TCF12: variants seen among roughly 807,000 people sequenced by gnomAD.
TCF12 encodes the protein transcription factor 12, also known as DNA-binding protein HTF4.
Under a neutral mutation model 86.0 loss-of-function variants are expected in TCF12, and 45 were observed. The observed-to-expected ratio is 0.52, with a 90% CI of 0.41 to 0.67. TCF12 has a LOEUF of 0.67. Among genes scored for constraint, TCF12 ranks in the 30% least tolerant of loss-of-function variants. The pLI, the probability that TCF12 is intolerant of heterozygous loss-of-function variation, is 0.00. For synonymous variants in TCF12, 330 were observed against 299.6 expected, an observed-to-expected ratio of 1.10 and a Z score of -1.05; for missense variants, 881 against 859.9, an observed-to-expected ratio of 1.02 and a Z score of -0.31.
intron 3 of TCF12, among the ~76,000 whole-genome samples, chr15:56,958,525 C>T (rs1438863135): frequency 6.6e-6 from 1 of 152,036 alleles, no homozygotes; most frequent in Non-Finnish European, 1.5e-5. Context: ...AGCCACATTC[C>T]AAATGCTTAA....
chr15:56,947,886 C>G (rs1240166300), intron 3 of TCF12, among the ~76,000 whole-genome samples: 3 of 152,044 alleles, frequency 2.0e-5, no homozygotes, highest in African/African-American at 4.8e-5. Flanking sequence ...GGTGCACAGC[C>G]TAAATGGTGG....
At chr15:57,067,127 A>C (rs1268927700) in intron 4 of TCF12, among the ~76,000 whole-genome samples, 7 of 152,164 alleles carry the variant, frequency 4.6e-5, no homozygotes, top group Non-Finnish European at 8.8e-5. Flanking sequence ...TACCAAATCC[A>C]CCAGAAAAGT....
chr15:56,938,896 CT>C (rs1482496207), intron 3 of TCF12, among the ~76,000 whole-genome samples: 1 of 152,126 alleles, frequency 6.6e-6, no homozygotes, highest in African/African-American at 2.4e-5. Context: ...GTCTCAGGAC[CT>C]ACTTTGTTCC....
chr15:57,168,907 G>T (rs150258419), intron 6 of TCF12, among the ~76,000 whole-genome samples: 2 of 152,042 alleles, frequency 1.3e-5, no homozygotes, highest in East Asian at 3.8e-4. Flanking sequence ...TTAGCCGGGC[G>T]TGGTGGCAGG....
chr15:56,966,932 G>T (rs565482286), intron 3 of TCF12, among the ~76,000 whole-genome samples: 3 of 152,232 alleles, frequency 2.0e-5, no homozygotes, highest in Non-Finnish European at 4.4e-5. Context: ...AGACCAACCT[G>T]GCCAACATGG....
At chr15:57,080,573 T>C (rs534655847) in intron 4 of TCF12, among the ~76,000 whole-genome samples, 1 of 152,190 alleles carries the variant, frequency 6.6e-6, no homozygotes, top group South Asian at 2.1e-4. Context: ...ACAGAGTCCC[T>C]GAGGAAGATT....
chr15:56,962,631 T>G (rs189953844), intron 3 of TCF12, among the ~76,000 whole-genome samples: 68 of 152,304 alleles, frequency 4.5e-4, no homozygotes, highest in African/African-American at 1.6e-3. Context: ...GAGAAAATGC[T>G]TCCAATTAGT....
At chr15:57,211,935 C>G (rs1314336453) in intron 8 of TCF12, among the ~76,000 whole-genome samples, 1 of 151,480 alleles carries the variant, frequency 6.6e-6, no homozygotes, top group Non-Finnish European at 1.5e-5. Flanking sequence ...GCCTGGGCAA[C>G]AAAGCAGGAC....
At chr15:57,217,457 A>C (rs774058690) in intron 8 of TCF12, among the ~76,000 whole-genome samples, 1 of 152,170 alleles carries the variant, frequency 6.6e-6, no homozygotes, top group Non-Finnish European at 1.5e-5. Flanking sequence ...TTGGGTTTAC[A>C]TTATGATGTT....
intron 3 of TCF12, among the ~76,000 whole-genome samples, chr15:57,061,887 T>C (rs115109348): frequency 0.012 from 1,787 of 152,288 alleles, 34 homozygotes; most frequent in African/African-American, 0.04. Flanking sequence ...TTCTACAGTG[T>C]TGGTTGCAGA....
chr15:57,105,444 T>A (rs1190201663), intron 5 of TCF12, among the ~76,000 whole-genome samples: 1 of 152,116 alleles, frequency 6.6e-6, no homozygotes, highest in Non-Finnish European at 1.5e-5. Flanking sequence ...GGAGTCTCAT[T>A]GTGTCACCTA....
At chr15:57,124,632 T>A (rs1473320344) in intron 5 of TCF12, among the ~76,000 whole-genome samples, 1 of 152,162 alleles carries the variant, frequency 6.6e-6, no homozygotes, top group African/African-American at 2.4e-5. Context: ...GTCAGTGCAC[T>A]AACATTTTCA....
chr15:57,169,552 A>C lies in TCF12; in HGVS notation c.390+3086A>C, dbSNP rs781514296. 5.3e-5 allele frequency among the ~76,000 whole-genome samples: 8 copies of C among 152,170 alleles called. 1 individual carries two copies. The highest frequency in any genetic ancestry group is 4.1e-4 in the South Asian group (2 of 4,832). ...TATGGGCTTATGAAAACATTTCAAAAAATAAATAAATAATTTTAAAGTTCT... is the reference window on the plus strand; with the variant it reads ...TATGGGCTTATGAAAACATTTCAAACAATAAATAAATAATTTTAAAGTTCT... On this transcript the variant is annotated intron_variant, in intron 6 of 20. Coordinates refer to ENST00000333725, the MANE Select transcript of TCF12 (RefSeq NM_207037.2).
intron 5 of TCF12, among the ~76,000 whole-genome samples, chr15:57,115,052 G>A (rs1422735769): frequency 6.6e-6 from 1 of 152,132 alleles, no homozygotes; most frequent in Non-Finnish European, 1.5e-5. Context: ...TTGAGCTTTG[G>A]TTTAGGCTGA....
intron 4 of TCF12, among the ~76,000 whole-genome samples, chr15:57,081,302 G>A (rs1196441885): frequency 6.6e-6 from 1 of 152,138 alleles, no homozygotes; most frequent in African/African-American, 2.4e-5. Context: ...TAGAAAGGCA[G>A]CATTTCATGG....
intron 8 of TCF12, among the ~76,000 whole-genome samples, chr15:57,206,876 A>C (rs1281883375): frequency 6.7e-6 from 1 of 148,428 alleles, no homozygotes; most frequent in African/African-American, 2.5e-5. Context: ...GGAGTGTTTG[A>C]GCCTAGAAGT....
At chr15:57,220,985 A>T (rs2058563911) in intron 8 of TCF12, among the ~76,000 whole-genome samples, 1 of 152,166 alleles carries the variant, frequency 6.6e-6, no homozygotes, top group South Asian at 2.1e-4. Flanking sequence ...AAAATTAGAT[A>T]TGGTTGTCTC....
intron 3 of TCF12, among the ~76,000 whole-genome samples, chr15:57,058,514 T>C (rs1352553938): frequency 6.6e-6 from 1 of 152,182 alleles, no homozygotes; most frequent in African/African-American, 2.4e-5. Flanking sequence ...AAAATTCTGA[T>C]TGGATTATTA....
At chr15:57,220,087 A>G (rs1482796875) in intron 8 of TCF12, among the ~76,000 whole-genome samples, 3 of 152,156 alleles carry the variant, frequency 2.0e-5, no homozygotes, top group South Asian at 2.1e-4. Context: ...TAGCTACTCA[A>G]TAGTTGTTGG....
Sources: allele counts gnomAD v4.1 joint callset (sites outside exome capture counted in the v4.1 genomes callset), GRCh38; gene constraint gnomAD v4.1.1; transcripts MANE v1.5; gene names NCBI Gene and HGNC (gene_info 2026-07-23, HGNC 2026-07-21).